Variants in TANGO6 observed in about 807,000 individuals in gnomAD.
TANGO6 encodes the protein transport and Golgi organization protein 6 homolog.
In TANGO6, 90 loss-of-function variants were observed where a neutral mutation model predicts 114.2. The observed-to-expected ratio is 0.79, with a 90% confidence interval of 0.66 to 0.94. TANGO6 has a LOEUF of 0.94. Among genes scored for constraint, TANGO6 ranks in the 40% least tolerant of loss-of-function variants. The pLI, the probability that TANGO6 is intolerant of heterozygous loss-of-function variation, is 0.00. For synonymous variants in TANGO6, 477 were observed against 509.8 expected (o/e 0.94, Z 0.87); for missense variants, 1,274 against 1,315.3 (o/e 0.97, Z 0.49).
chr16:68,891,313 A>T (rs979688029), intron 7 of TANGO6, among the ~76,000 whole-genome samples: 1 of 151,364 alleles, frequency 6.6e-6, no homozygotes, highest in African/African-American at 2.4e-5. Context: ...AAAAAAAGAA[A>T]TTAGCTGGGC....
chr16:69,050,008 T>C (rs1286259144), intron 17 of TANGO6, among the ~76,000 whole-genome samples: 6 of 152,246 alleles, frequency 3.9e-5, no homozygotes, highest in Admixed American at 3.9e-4. Flanking sequence ...TTTCTACTTT[T>C]TGGCTATTTT....
chr16:68,844,967 C>CT (rs200473627), intron 1 of TANGO6, among the ~76,000 whole-genome samples: 30,077 of 131,126 alleles, frequency 0.23, 3,965 homozygotes, highest in African/African-American at 0.33. Context: ...AACGGCAACT[C>CT]TTTTTTTTTT....
At chr16:69,078,918 A>G (rs1960425916) in intron 17 of TANGO6, among the ~76,000 whole-genome samples, 1 of 151,800 alleles carries the variant, frequency 6.6e-6, no homozygotes, top group Non-Finnish European at 1.5e-5. Flanking sequence ...TAATTTGTGT[A>G]TTTTTAGTAG....
intron 17 of TANGO6, among the ~76,000 whole-genome samples, chr16:69,051,059 A>C (rs1959940646): frequency 6.6e-6 from 1 of 151,852 alleles, no homozygotes; most frequent in South Asian, 2.1e-4. Context: ...ATGTAATTAA[A>C]TTACATATTA....
rs535635850 is a variant in TANGO6, at chr16:68,854,997, G to A, written c.95-4887G>A. Among the ~76,000 whole-genome samples, 3 of 150,216 alleles carry A rather than the reference G, an allele frequency of 2.0e-5. No homozygotes were observed. In the South Asian group the frequency reaches 6.3e-4, roughly 32 times the overall value. On this transcript the variant is annotated intron_variant, in intron 1 of 17. Coordinates refer to ENST00000261778, the MANE Select transcript of TANGO6 (RefSeq NM_024562.2). ...TTTATAGATCAATTTGTGGACAATTGCCATCTTTTTTCTTTTTTTTTTTCC... is the reference window on the plus strand; with the variant it reads ...TTTATAGATCAATTTGTGGACAATTACCATCTTTTTTCTTTTTTTTTTTCC...
intron 15 of TANGO6, 63 bp from the exon 16 acceptor site, chr16:69,022,765 T>C (rs1959429240): frequency 6.7e-7 from 1 of 1,497,562 alleles, no homozygotes; most frequent in East Asian, 2.5e-5. Flanking sequence ...AATATAATTC[T>C]TCCTTTTTTA....
intron 1 of TANGO6, among the ~76,000 whole-genome samples, chr16:68,856,310 A>C (rs1047478584): frequency 8.5e-5 from 13 of 152,154 alleles, no homozygotes; most frequent in Non-Finnish European, 1.9e-4. Context: ...CGAGTGTTGA[A>C]TTTTGTCAAA....
intron 15 of TANGO6, among the ~76,000 whole-genome samples, chr16:68,990,684 G>A (rs1963939016): frequency 6.6e-6 from 1 of 152,160 alleles, no homozygotes; most frequent in African/African-American, 2.4e-5. Flanking sequence ...TGAGATTATA[G>A]GCATGAGCCA....
intron 17 of TANGO6, among the ~76,000 whole-genome samples, chr16:69,062,036 G>T (rs1338217544): frequency 6.6e-6 from 1 of 152,002 alleles, no homozygotes; most frequent in Non-Finnish European, 1.5e-5. Flanking sequence ...GAAAAAAAAA[G>T]AATGCATTTC....
chr16:68,969,017 G>A (rs939012142), intron 14 of TANGO6, among the ~76,000 whole-genome samples: 1 of 152,090 alleles, frequency 6.6e-6, no homozygotes, highest in Non-Finnish European at 1.5e-5. Flanking sequence ...TCTACGCACT[G>A]CCTCCAAAAA....
chr16:68,922,853 C>T (rs949718669), intron 12 of TANGO6, among the ~76,000 whole-genome samples: 2 of 151,204 alleles, frequency 1.3e-5, no homozygotes, highest in African/African-American at 4.9e-5. Flanking sequence ...GGGGTGGGGG[C>T]CCATTATTGG....
chr16:68,982,325 A>G (rs1352557885), intron 15 of TANGO6, among the ~76,000 whole-genome samples: 1 of 152,008 alleles, frequency 6.6e-6, no homozygotes, highest in Non-Finnish European at 1.5e-5. Flanking sequence ...GGCCCTAACT[A>G]AATTCTAGCC....
At chr16:69,020,008 A>G (rs1189557191) in intron 15 of TANGO6, among the ~76,000 whole-genome samples, 1 of 152,234 alleles carries the variant, frequency 6.6e-6, no homozygotes, top group Non-Finnish European at 1.5e-5. Flanking sequence ...AACAATGGGA[A>G]TACATTCTGA....
Position 69,083,596 on chromosome 16 carries a change from G to A in TANGO6, c.3220G>A (p.Asp1074Asn). ...CCAGTTGGCCCTAGAAGAGCTGGAT[G>A]ACATCATGAAAAACTTCCTGTTCCC... ...HAQLALEELD[D>N]IMKNFLFPPQ... The change falls in exon 18 of 18, where the codon GAC becomes AAC. Residue 1074 changes from aspartate to asparagine, a missense_variant. Physicochemically the swap from Asp to Asn is conservative, Grantham distance 23. Coordinates refer to ENST00000261778, the MANE Select transcript of TANGO6 (RefSeq NM_024562.2). 6.3e-7 allele frequency: 1 copy of A among 1,594,748 alleles called. No homozygotes were observed. The highest frequency in any genetic ancestry group is 1.1e-5 in the South Asian group (1 of 87,838).
At chr16:69,052,015 A>G (rs890821300) in intron 17 of TANGO6, among the ~76,000 whole-genome samples, 3 of 139,290 alleles carry the variant, frequency 2.2e-5, no homozygotes, top group Non-Finnish European at 4.5e-5. Context: ...TGCCACCATC[A>G]TGGCTCACTG....
At chr16:68,926,702 A>T (rs879226369) in intron 12 of TANGO6, among the ~76,000 whole-genome samples, 1 of 150,906 alleles carries the variant, frequency 6.6e-6, no homozygotes, top group East Asian at 2.0e-4. Flanking sequence ...TGATTTTTGT[A>T]TTTTTAGTAG....
rs962674200 is a variant in TANGO6 at position 69,001,036 on chromosome 16, C to A, written c.2843-21792C>A. 6.6e-5 allele frequency among the ~76,000 whole-genome samples: 10 copies of A among 152,282 alleles called. No individual in the cohort carries two copies. The East Asian group carries it at 1.9e-3, about 29-fold the overall frequency. ...TGATTCTTACACCCTCTAAATTAGA[C>A]AAAATTACTTTATTTTTTGAAGAAA... is the stretch of plus-strand genomic sequence containing the variant. On this transcript the variant is annotated intron_variant, in intron 15 of 17. Transcript: ENST00000261778.
chr16:68,955,401 A>G (rs762453152), intron 14 of TANGO6, among the ~76,000 whole-genome samples: 42 of 152,332 alleles, frequency 2.8e-4, no homozygotes, highest in Middle Eastern at 6.8e-3. Context: ...TCCAGATGCC[A>G]TTCATAACAG....
chr16:68,880,667 C>A, intron 7 of TANGO6, 37 bp downstream of exon 7: 2 of 1,457,520 alleles, frequency 1.4e-6, no homozygotes, highest in African/African-American at 1.5e-5. Context: ...TTATTTACTT[C>A]TTATTTAAAA....
Sources: allele counts gnomAD v4.1 joint callset (sites outside exome capture counted in the v4.1 genomes callset), GRCh38; gene constraint gnomAD v4.1.1; transcripts MANE v1.5; gene names NCBI Gene and HGNC (gene_info 2026-07-23, HGNC 2026-07-21).